The following PCLO variants were observed in gnomAD, a reference collection of about 807,000 sequenced individuals.
PCLO encodes the protein protein piccolo.
PCLO carries 82 observed loss-of-function variants against 427.5 expected under a neutral mutation model. That is an observed-to-expected ratio of 0.19 (90% CI 0.16 to 0.23). The LOEUF (loss-of-function observed/expected upper bound fraction) is 0.23, where lower values mean the gene tolerates loss of function less well. PCLO is among the 10% of genes least tolerant of loss of function. The probability of loss-of-function intolerance (pLI) is 1.00; values close to 1 mark genes in which losing one functional copy is unlikely to be tolerated. For synonymous variants in PCLO, 2,357 were observed against 2,155.4 expected, an observed-to-expected ratio of 1.09 and a Z score of -2.59; for missense variants, 6,239 against 6,115.9, an observed-to-expected ratio of 1.02 and a Z score of -0.67.
At position 82,754,045 on chromosome 7, in the gene PCLO, C is replaced by A. The variant is rs1316526744; in HGVS notation, c.*4530G>T. On this transcript the variant is annotated 3_prime_UTR_variant, in exon 25 of 25. Coordinates refer to ENST00000333891, the MANE Select transcript of PCLO (RefSeq NM_033026.6). ...TCAGTATTTATTAGTAAGGCTGAGG[C>A]AACAGCCTTTATACGGCACAGTTTA... The A allele has an allele frequency of 1.3e-5, 2 of 152,080 alleles. No individual in the cohort carries two copies. The highest frequency in any genetic ancestry group is 4.8e-5 in the African/African-American group (2 of 41,428). 9.4% of individuals were successfully genotyped at this position (152,080 alleles called of 1,614,324 possible). A position where few individuals can be genotyped will look rare whatever the true frequency, so the allele number is the denominator to read the frequency against.
At chr7:82,971,141 A>C (rs991770403) in intron 3 of PCLO, among the ~76,000 whole-genome samples, 3 of 151,832 alleles carry the variant, frequency 2.0e-5, no homozygotes, top group African/African-American at 7.2e-5. Context: ...ACATTTTCAT[A>C]TTGTTTCTGG....
chr7:82,818,393 TA>T, intron 20 of PCLO, among the ~76,000 whole-genome samples: 1 of 152,262 alleles, frequency 6.6e-6, no homozygotes, highest in African/African-American at 2.4e-5. Context: ...CAGCCTTTTC[TA>T]ATGGAGCTAC....
Position 82,966,193 on chromosome 7 carries a change from T to C in PCLO, c.3595A>G (p.Lys1199Glu). ...VTTDQKQEES[K>E]LEKDKASALQ... is the part of the protein sequence containing the mutation. ...GCTGAAGCTTTGTCTTTCTCTAGTTTACTCTCTTCTTGTTTTTGATCTGTG... is the reference window on the plus strand; with the variant it reads ...GCTGAAGCTTTGTCTTTCTCTAGTTCACTCTCTTCTTGTTTTTGATCTGTG... The change falls in exon 4 of 25, where the codon AAA (lysine) becomes GAA (glutamate). Residue 1199 changes from lysine to glutamate, a missense_variant. Coordinates refer to ENST00000333891, the MANE Select transcript of PCLO (RefSeq NM_033026.6). 1 of 1,611,574 alleles carries C rather than the reference T, an allele frequency of 6.2e-7. No individual in the cohort carries two copies. The highest frequency in any genetic ancestry group is 8.5e-7 in the Non-Finnish European group (1 of 1,179,382).
intron 3 of PCLO, among the ~76,000 whole-genome samples, chr7:83,116,265 C>A (rs1791128504): frequency 6.6e-6 from 1 of 151,744 alleles, no homozygotes; most frequent in African/African-American, 2.4e-5. Context: ...AGGAGAAATG[C>A]AATCAATTTA....
intron 14 of PCLO, among the ~76,000 whole-genome samples, chr7:82,839,376 T>C (rs1792309660): frequency 6.6e-6 from 1 of 152,028 alleles, no homozygotes; most frequent in Non-Finnish European, 1.5e-5. Flanking sequence ...TGTCAGAAAA[T>C]ACATATTCAA....
chr7:83,024,309 C>G (rs1024882418), intron 3 of PCLO, among the ~76,000 whole-genome samples: 1 of 152,154 alleles, frequency 6.6e-6, no homozygotes, highest in Non-Finnish European at 1.5e-5. Flanking sequence ...CAAGGGGTCA[C>G]CGAGTTCCCT....
chr7:82,847,961 C>T (rs1484714214), intron 10 of PCLO, among the ~76,000 whole-genome samples: 2 of 152,128 alleles, frequency 1.3e-5, no homozygotes, highest in Non-Finnish European at 2.9e-5. Flanking sequence ...TTTAATTTTG[C>T]ACTGGGTTTT....
chr7:83,141,923 T>G (rs924290704), intron 2 of PCLO, among the ~76,000 whole-genome samples: 37 of 152,164 alleles, frequency 2.4e-4, no homozygotes, highest in African/African-American at 8.9e-4. Context: ...GTTTGATACA[T>G]CTAAGCAATG....
chr7:82,851,622 C>G (rs529160934), intron 10 of PCLO, among the ~76,000 whole-genome samples: 1 of 151,532 alleles, frequency 6.6e-6, no homozygotes, highest in South Asian at 2.1e-4. Context: ...AAAACAAAGG[C>G]CCAAACCTAA....
At position 83,015,996 on chromosome 7, in the gene PCLO, C is replaced by G. The variant is rs567191493; in HGVS notation, c.3301-49509G>C. ...GTGTCTATTTCCTTAAAAAAAAATG[C>G]AAAAATTGGCAGCACTCAAGCACCA... On this transcript the variant is annotated intron_variant, in intron 3 of 24. Coordinates refer to ENST00000333891, the MANE Select transcript of PCLO (RefSeq NM_033026.6). Among the ~76,000 whole-genome samples the G allele has an allele frequency of 4.6e-5, 7 of 151,672 alleles. No homozygotes were observed. In the East Asian group the frequency reaches 1.4e-3, roughly 30 times the overall value.
chr7:82,808,311 A>G (rs959554837), intron 20 of PCLO, among the ~76,000 whole-genome samples: 1 of 151,884 alleles, frequency 6.6e-6, no homozygotes, highest in African/African-American at 2.4e-5. Context: ...CACAATGAAC[A>G]AAAATAGCTA....
At position 82,828,966 on chromosome 7, in the gene PCLO, G is replaced by C. The variant is rs530234343; in HGVS notation, c.14250-1000C>G. On this transcript the variant is annotated intron_variant, in intron 16 of 24. Coordinates refer to ENST00000333891, the MANE Select transcript of PCLO (RefSeq NM_033026.6). The stretch of plus-strand genomic sequence containing the variant: ...TTTCACAAGTTGCCTTTCCCTAAAA[G>C]GGGGCTGGACCCTGACTCTTGTAAT... Among the ~76,000 whole-genome samples the C allele has an allele frequency of 2.2e-3, 328 of 152,232 alleles. 4 individuals carry two copies. The highest frequency in any genetic ancestry group is 0.01 in the Middle Eastern group (3 of 294).
At chr7:83,102,376 CAATTTAACTCAG>C (rs1180557740) in intron 3 of PCLO, among the ~76,000 whole-genome samples, 1 of 151,866 alleles carries the variant, frequency 6.6e-6, no homozygotes, top group African/African-American at 2.4e-5. Context: ...ATTATATAAA[CAATTTAACTCAG>C]AATTAAGTGC....
At chr7:82,765,473 A>G (rs1177163571) in intron 22 of PCLO, among the ~76,000 whole-genome samples, 2 of 151,844 alleles carry the variant, frequency 1.3e-5, no homozygotes, top group African/African-American at 2.4e-5. Flanking sequence ...GTACTTTGAA[A>G]AACCCACCAA....
At chr7:82,796,599 T>G (rs1256165794) in intron 22 of PCLO, among the ~76,000 whole-genome samples, 1 of 151,988 alleles carries the variant, frequency 6.6e-6, no homozygotes, top group Non-Finnish European at 1.5e-5. Context: ...TGCTTTTCAA[T>G]GCTGAAATTC....
chr7:82,992,399 A>G (rs1796398397), intron 3 of PCLO, among the ~76,000 whole-genome samples: 1 of 152,092 alleles, frequency 6.6e-6, no homozygotes, highest in Non-Finnish European at 1.5e-5. Flanking sequence ...ATGATGACCA[A>G]AAGTTGTTCA....
Position 83,134,455 on chromosome 7 carries a change from T to C in PCLO, c.3095A>G (p.Asp1032Gly), listed in dbSNP as rs370972039. The change falls in exon 3 of 25, where the codon GAT becomes GGT. Residue 1032 changes from aspartate (D) to glycine (G), a missense_variant. Asp to Gly is a moderately conservative substitution (Grantham distance 94). Coordinates refer to ENST00000333891, the MANE Select transcript of PCLO (RefSeq NM_033026.6). ...AGGCTCAGCTGTTAAAGATTTGCTA[T>C]CCTTAATAGGTGGTGGCTTTTTTTC... ...ETEKKPPPIK[D>G]SKSLTAEPQK... 91 of 1,613,776 alleles carry C rather than the reference T, an allele frequency of 5.6e-5. No homozygotes were observed. Among genetic ancestry groups the C allele is most frequent in the Non-Finnish European group, 7.6e-5 (90 of 1,179,862 alleles).
Position 83,059,381 on chromosome 7 carries a change from A to ATATATATATATATATATATAT in PCLO, c.3300+74868_3300+74869insATATATATATATATATATATA, listed in dbSNP as rs757350399. 5.8e-3 allele frequency among the ~76,000 whole-genome samples: 559 copies of ATATATATATATATATATATAT among 95,598 alleles called. 4 individuals carry two copies. Among genetic ancestry groups the ATATATATATATATATATATAT allele is most frequent in the East Asian group, 0.02 (44 of 2,234 alleles). The allele number at this position is 95,598 out of a possible 152,430, so 62.7% of individuals were successfully genotyped here. On this transcript the variant is annotated intron_variant, in intron 3 of 24. Coordinates refer to ENST00000333891, the MANE Select transcript of PCLO (RefSeq NM_033026.6). ...AAATATATATATATATATATATATA[A>ATATATATATATATATATATAT]AAATGAAAAATAAGGTGAGATCAAC...
chr7:82,760,469 G>A (rs1790406869), intron 24 of PCLO, among the ~76,000 whole-genome samples, 170 bp downstream of exon 24: 1 of 151,992 alleles, frequency 6.6e-6, no homozygotes, highest in Non-Finnish European at 1.5e-5. Flanking sequence ...TGGATGGGGT[G>A]AGTGGGCTGT....
Sources: gnomAD v4.1 joint callset for allele counts (sites outside exome capture counted in the v4.1 genomes callset) on GRCh38, gnomAD v4.1.1 for gene constraint, MANE v1.5 for transcripts, NCBI Gene and HGNC (gene_info 2026-07-23, HGNC 2026-07-21) for gene names.